The following CDH13 variants were observed in gnomAD, a reference collection of about 807,000 sequenced individuals.
CDH13 encodes the protein cadherin 13, also known as cadherin-13.
In CDH13, 24 loss-of-function variants were observed where a neutral mutation model predicts 63.8. That is an observed-to-expected ratio of 0.38 (90% confidence interval 0.27 to 0.53). CDH13 has a LOEUF of 0.53. Ranked by LOEUF, CDH13 falls within the 20% of genes least tolerant of loss-of-function variation. The pLI is 0.85. For missense variants in CDH13, 1,049 were observed against 903.1 expected, an observed-to-expected ratio of 1.16 and a Z score of -2.07; for synonymous variants, 503 against 355.3, an observed-to-expected ratio of 1.42 and a Z score of -4.67.
intron 10 of CDH13, among the ~76,000 whole-genome samples, chr16:83,739,149 C>A (rs1278198607): frequency 6.6e-6 from 1 of 152,110 alleles, no homozygotes; most frequent in East Asian, 1.9e-4. Flanking sequence ...ACTCACTGCA[C>A]CTAAACTGCT....
intron 7 of CDH13, among the ~76,000 whole-genome samples, chr16:83,557,401 G>T (rs551151271): frequency 6.6e-6 from 1 of 152,262 alleles, no homozygotes; most frequent in African/African-American, 2.4e-5. Context: ...ACTCTGGTCC[G>T]TGGAAAAATT....
intron 6 of CDH13, among the ~76,000 whole-genome samples, chr16:83,485,227 G>T (rs1395796851): frequency 6.6e-6 from 1 of 152,204 alleles, no homozygotes; most frequent in Non-Finnish European, 1.5e-5. Flanking sequence ...TATTTGCACA[G>T]ATCCCTTGCG....
intron 3 of CDH13, among the ~76,000 whole-genome samples, chr16:83,123,510 C>T (rs144219803): frequency 6.6e-6 from 1 of 152,064 alleles, no homozygotes; most frequent in Non-Finnish European, 1.5e-5. Flanking sequence ...AACTCCCAAC[C>T]TCAGGTTATC....
chr16:83,522,398 T>C lies in CDH13; in HGVS notation c.960+35743T>C, dbSNP rs143742180. Among the ~76,000 whole-genome samples the C allele has an allele frequency of 3.9e-3, 591 of 152,322 alleles. 3 individuals carry two copies. The highest frequency in any genetic ancestry group is 0.013 in the African/African-American group (555 of 41,566). ...ACATGAGTATATGAGGTAAGGCATA[T>C]TGGGGAAGAAAGTTCCACAGCGCAA... On this transcript the variant is annotated intron_variant, in intron 7 of 13. Coordinates refer to ENST00000567109, the MANE Select transcript of CDH13 (RefSeq NM_001257.5).
chr16:83,510,649 G>A (rs2074535259), intron 7 of CDH13, among the ~76,000 whole-genome samples: 1 of 152,152 alleles, frequency 6.6e-6, no homozygotes, highest in Non-Finnish European at 1.5e-5. Context: ...ACTCAAAGCT[G>A]ATGCTCTCAA....
chr16:83,422,691 C>G (rs536213569), intron 6 of CDH13, among the ~76,000 whole-genome samples: 119 of 152,282 alleles, frequency 7.8e-4, no homozygotes, highest in African/African-American at 2.8e-3. Context: ...TTGACTTCTC[C>G]TCTGACCTCT....
At chr16:83,087,697 A>AAAAAAAAAAAAAC (rs1567817140) in intron 3 of CDH13, among the ~76,000 whole-genome samples, 6 of 144,390 alleles carry the variant, frequency 4.2e-5, no homozygotes, top group African/African-American at 1.6e-4. Flanking sequence ...AAAAAAAAAA[A>AAAAAAAAAAAAAC]GCCTAGCACC....
chr16:83,625,722 T>C (rs1910236278), intron 8 of CDH13, among the ~76,000 whole-genome samples: 1 of 152,168 alleles, frequency 6.6e-6, no homozygotes, highest in Admixed American at 6.5e-5. Flanking sequence ...AGCTTGGTGG[T>C]CCCTAGCTCA....
At chr16:83,357,937 C>T (rs2091088233) in intron 6 of CDH13, among the ~76,000 whole-genome samples, 1 of 152,176 alleles carries the variant, frequency 6.6e-6, no homozygotes, top group African/African-American at 2.4e-5. Flanking sequence ...GCCAGGCCCT[C>T]TGCTGAGGGC....
chr16:83,464,011 A>T (rs1479578375), intron 6 of CDH13, among the ~76,000 whole-genome samples: 1 of 152,182 alleles, frequency 6.6e-6, no homozygotes, highest in African/African-American at 2.4e-5. Flanking sequence ...GGAGAGGGTG[A>T]GAAAGAAACA....
intron 5 of CDH13, among the ~76,000 whole-genome samples, chr16:83,299,059 T>C (rs933314504): frequency 1.1e-4 from 16 of 152,178 alleles, no homozygotes; most frequent in African/African-American, 3.6e-4. Context: ...TCAGTATATC[T>C]CCTTTCAGAC....
At chr16:83,199,673 G>C (rs1274712980) in intron 4 of CDH13, among the ~76,000 whole-genome samples, 1 of 152,152 alleles carries the variant, frequency 6.6e-6, no homozygotes, top group African/African-American at 2.4e-5. Context: ...TACATGTTGT[G>C]TTTCAATGCA....
intron 7 of CDH13, among the ~76,000 whole-genome samples, chr16:83,554,826 C>T (rs2083871899): frequency 6.6e-6 from 1 of 152,102 alleles, no homozygotes; most frequent in South Asian, 2.1e-4. Flanking sequence ...TCATTTTTTC[C>T]TTCAAAAACA....
At chr16:83,104,239 T>C (rs549766997) in intron 3 of CDH13, among the ~76,000 whole-genome samples, 14 of 152,322 alleles carry the variant, frequency 9.2e-5, no homozygotes, top group African/African-American at 3.1e-4. Context: ...TTCCTTGTTT[T>C]TCCTGGTGGA....
chr16:83,358,543 G>C (rs185336419), intron 6 of CDH13, among the ~76,000 whole-genome samples: 1 of 152,282 alleles, frequency 6.6e-6, no homozygotes, highest in East Asian at 1.9e-4. Context: ...GTGTTATGTT[G>C]AATTCCCTGT....
intron 6 of CDH13, among the ~76,000 whole-genome samples, chr16:83,379,936 TATAGAGAG>T (rs937262112): frequency 4.4e-5 from 4 of 91,804 alleles, no homozygotes; most frequent in Non-Finnish European, 9.3e-5. Flanking sequence ...TATATATATA[TATAGAGAG>T]AGAGAGAGAG....
At chr16:82,888,140 C>A (rs1046674980) in intron 2 of CDH13, among the ~76,000 whole-genome samples, 2 of 152,184 alleles carry the variant, frequency 1.3e-5, no homozygotes, top group African/African-American at 2.4e-5. Flanking sequence ...AAGCACCGAA[C>A]AACCTTTTGG....
chr16:82,851,200 C>G (rs1296842353), intron 1 of CDH13, among the ~76,000 whole-genome samples: 4 of 152,048 alleles, frequency 2.6e-5, no homozygotes, highest in African/African-American at 9.7e-5. Flanking sequence ...CTTTGGGAGG[C>G]TGAGGCGGGC....
At chr16:82,966,606 G>C (rs1372354084) in intron 2 of CDH13, among the ~76,000 whole-genome samples, 1 of 151,970 alleles carries the variant, frequency 6.6e-6, no homozygotes, top group Non-Finnish European at 1.5e-5. Context: ...TAATACACAG[G>C]GATTTTATTT....
Sources: gnomAD v4.1 joint callset for allele counts (sites outside exome capture counted in the v4.1 genomes callset) on GRCh38, gnomAD v4.1.1 for gene constraint, MANE v1.5 for transcripts, NCBI Gene and HGNC (gene_info 2026-07-23, HGNC 2026-07-21) for gene names.